The following GFRA1 variants were observed in gnomAD, a reference collection of about 807,000 sequenced individuals.
GFRA1 encodes GDNF family receptor alpha-1.
A neutral mutation model predicts 51.6 loss-of-function variants in GFRA1; 16 were observed. That is an observed-to-expected ratio of 0.31 (90% confidence interval 0.21 to 0.47). The LOEUF (loss-of-function observed/expected upper bound fraction) is 0.47. Among genes scored for constraint, GFRA1 ranks in the 20% least tolerant of loss-of-function variants. The probability of loss-of-function intolerance (pLI) is 1.00; values close to 1 mark genes in which losing one functional copy is unlikely to be tolerated. For missense variants in GFRA1, 530 were observed against 594.3 expected (o/e 0.89, Z 1.13); for synonymous variants, 270 against 241.3 (o/e 1.12, Z -1.10).
chr10:116,207,048 T>C (rs1964833078), intron 5 of GFRA1, among the ~76,000 whole-genome samples: 1 of 152,208 alleles, frequency 6.6e-6, no homozygotes, highest in African/African-American at 2.4e-5. Flanking sequence ...CTTTATTAAC[T>C]CAAGTCCACT....
At chr10:116,064,988 G>A (rs1408311144) in intron 10 of GFRA1, among the ~76,000 whole-genome samples, 3 of 152,098 alleles carry the variant, frequency 2.0e-5, no homozygotes, top group Non-Finnish European at 2.9e-5. Context: ...TGCCCTGCTT[G>A]TTGCTGGGAG....
chr10:116,171,910 G>A (rs945446674), intron 5 of GFRA1, among the ~76,000 whole-genome samples: 6 of 152,154 alleles, frequency 3.9e-5, no homozygotes, highest in Admixed American at 1.3e-4. Context: ...AGAGGGAGGC[G>A]CAGCAAAGGA....
intron 5 of GFRA1, among the ~76,000 whole-genome samples, chr10:116,198,544 G>A (rs762635005): frequency 6.6e-6 from 1 of 152,298 alleles, no homozygotes; most frequent in South Asian, 2.1e-4. Flanking sequence ...AGATATGCAG[G>A]AGATAAATGG....
intron 5 of GFRA1, among the ~76,000 whole-genome samples, chr10:116,190,863 T>C (rs576949918): frequency 3.3e-5 from 5 of 152,362 alleles, no homozygotes; most frequent in Non-Finnish European, 5.9e-5. Flanking sequence ...AAAGGCATAA[T>C]AACACAATCC....
chr10:116,060,657 T>A lies in GFRA1; in HGVS notation c.*3741A>T, dbSNP rs1222920217. Reference sequence around the variant, plus strand: ...AAAAGATGGGTGTCACATAGTCTGATGTGCTTTATCAAAGAACAGAGGCAA... The same window carrying A: ...AAAAGATGGGTGTCACATAGTCTGAAGTGCTTTATCAAAGAACAGAGGCAA... On this transcript the variant is annotated 3_prime_UTR_variant, in exon 11 of 11. Transcript: ENST00000355422. 6.6e-6 allele frequency: 1 copy of A among 152,214 alleles called. No homozygotes were observed. Among genetic ancestry groups the A allele is most frequent in the Non-Finnish European group, 1.5e-5 (1 of 68,048 alleles). 9.4% of individuals were successfully genotyped at this position (152,214 alleles called of 1,614,324 possible).
intron 4 of GFRA1, among the ~76,000 whole-genome samples, chr10:116,224,046 C>T (rs773643880): frequency 1.1e-4 from 17 of 152,180 alleles, no homozygotes; most frequent in Non-Finnish European, 1.8e-4. Flanking sequence ...ACTAGGCAAT[C>T]GAACCTGCTG....
intron 2 of GFRA1, among the ~76,000 whole-genome samples, chr10:116,271,390 C>G (rs1843922532): frequency 6.6e-6 from 1 of 152,162 alleles, no homozygotes; most frequent in South Asian, 2.1e-4. Context: ...CGCTGCCCAC[C>G]GCGCACGTCG....
intron 9 of GFRA1, among the ~76,000 whole-genome samples, chr10:116,066,004 A>G (rs938104997): frequency 2.0e-5 from 3 of 152,228 alleles, no homozygotes; most frequent in African/African-American, 4.8e-5. Flanking sequence ...CTAGGTTACT[A>G]AAGAAAACGT....
upstream of GFRA1, among the ~76,000 whole-genome samples, chr10:116,273,773 T>C (rs766064450): frequency 2.0e-5 from 3 of 151,998 alleles, no homozygotes; most frequent in Non-Finnish European, 4.4e-5. Flanking sequence ...AGCCAGACCC[T>C]TCTTCGGAAC....
chr10:116,067,533 G>T (rs72834524), intron 9 of GFRA1, among the ~76,000 whole-genome samples: 12,389 of 152,200 alleles, frequency 0.081, 680 homozygotes, highest in Non-Finnish European at 0.12. Context: ...GGCTGGGAAG[G>T]CCTCCTTTCT....
intron 6 of GFRA1, among the ~76,000 whole-genome samples, chr10:116,103,809 AG>A (rs2133939218): frequency 1.3e-5 from 2 of 152,330 alleles, no homozygotes; most frequent in South Asian, 4.1e-4. Context: ...ATTCTCCCTC[AG>A]TCTGCTGTAA....
chr10:116,180,916 G>A (rs1962153807), intron 5 of GFRA1, among the ~76,000 whole-genome samples: 2 of 152,056 alleles, frequency 1.3e-5, no homozygotes, highest in East Asian at 1.9e-4. Flanking sequence ...CTTTCCATAA[G>A]CCTTTTATGG....
chr10:116,261,475 T>C (rs1485747446), intron 4 of GFRA1, among the ~76,000 whole-genome samples: 2 of 152,224 alleles, frequency 1.3e-5, no homozygotes, highest in Admixed American at 1.3e-4. Context: ...TCTACTGAGC[T>C]CACTCCTAGC....
intron 9 of GFRA1, among the ~76,000 whole-genome samples, chr10:116,075,756 T>C (rs1472263414): frequency 6.6e-6 from 1 of 152,116 alleles, no homozygotes; most frequent in Non-Finnish European, 1.5e-5. Context: ...CTATTATCTT[T>C]TTTTTTGAGA....
chr10:116,089,848 T>A lies in GFRA1; in HGVS notation c.1090A>T (p.Thr364Ser). 6.2e-7 allele frequency: 1 copy of A among 1,613,458 alleles called. No homozygotes were observed. Among genetic ancestry groups the A allele is most frequent in the Non-Finnish European group, 8.5e-7 (1 of 1,179,864 alleles). The change falls in exon 9 of 11, where the codon ACT becomes TCT. Residue 364 changes from threonine (T) to serine (S), a missense_variant. By Grantham distance (58) the Thr-to-Ser change is moderately conservative. Transcript: ENST00000355422. Reference sequence around the variant, plus strand: ...CGGAGGGCAGTGGTGGTAGTGGCAGTGGTGGTCTGTACTGGGAAGGCTGGC... The same window carrying A: ...CGGAGGGCAGTGGTGGTAGTGGCAGAGGTGGTCTGTACTGGGAAGGCTGGC... ...WQPAFPVQTT[T>S]ATTTTALRVK...
At chr10:116,124,637 C>T (rs1481879335) in intron 6 of GFRA1, among the ~76,000 whole-genome samples, 3 of 152,204 alleles carry the variant, frequency 2.0e-5, no homozygotes, top group Admixed American at 6.5e-5. Context: ...CTTTCAACAA[C>T]ATCATCCAGG....
chr10:116,127,646 T>C (rs1253030056), intron 5 of GFRA1, among the ~76,000 whole-genome samples: 2 of 152,046 alleles, frequency 1.3e-5, no homozygotes, highest in Admixed American at 1.3e-4. Flanking sequence ...GCTCCTCTAT[T>C]TCCACACTCA....
chr10:116,168,501 A>G lies in GFRA1; in HGVS notation c.434-42944T>C, dbSNP rs570283714. Among the ~76,000 whole-genome samples, 17 of 152,248 alleles carry G rather than the reference A, an allele frequency of 1.1e-4. No individual in the cohort carries two copies. In the South Asian group the frequency reaches 3.1e-3, roughly 28 times the overall value. ...TCTGGGTCAGCTATTTCCTTCTGCAACTGTCTACCTACTGTTGTGTCACTC... is the reference window on the plus strand; with the variant it reads ...TCTGGGTCAGCTATTTCCTTCTGCAGCTGTCTACCTACTGTTGTGTCACTC... On this transcript the variant is annotated intron_variant, in intron 5 of 10. Coordinates refer to ENST00000355422, the MANE Select transcript of GFRA1 (RefSeq NM_005264.8).
intron 4 of GFRA1, among the ~76,000 whole-genome samples, chr10:116,263,498 TG>T (rs780940089): frequency 3.7e-4 from 56 of 152,280 alleles, no homozygotes; most frequent in Non-Finnish European, 6.6e-4. Flanking sequence ...CCCAGGTTGG[TG>T]GAACTCCAGA....
Sources: gnomAD v4.1 joint callset for allele counts (sites outside exome capture counted in the v4.1 genomes callset) on GRCh38, gnomAD v4.1.1 for gene constraint, MANE v1.5 for transcripts, NCBI Gene and HGNC (gene_info 2026-07-23, HGNC 2026-07-21) for gene names.